VPS13C: variants seen among roughly 807,000 people sequenced by gnomAD.
VPS13C encodes vacuolar protein sorting 13 homolog C.
Under a neutral mutation model 456.8 loss-of-function variants are expected in VPS13C, and 358 were observed. The observed-to-expected ratio is 0.78, with a 90% CI of 0.72 to 0.86. The LOEUF (loss-of-function observed/expected upper bound fraction) is 0.86. Among genes scored for constraint, VPS13C ranks in the 40% least tolerant of loss-of-function variants. The probability of loss-of-function intolerance (pLI) is 0.00; values close to 1 mark genes in which losing one functional copy is unlikely to be tolerated. For synonymous variants in VPS13C, 1,578 were observed against 1,486.7 expected, an observed-to-expected ratio of 1.06 and a Z score of -1.41; for missense variants, 4,818 against 4,385.4, an observed-to-expected ratio of 1.10 and a Z score of -2.79.
At chr15:61,898,018 C>T (rs201234664) in intron 66 of VPS13C, among the ~76,000 whole-genome samples, 4 of 151,704 alleles carry the variant, frequency 2.6e-5, no homozygotes, top group Admixed American at 6.6e-5. Flanking sequence ...CATAAGTGAA[C>T]GAGAAATAAA....
intron 15 of VPS13C, among the ~76,000 whole-genome samples, chr15:62,002,401 T>C (rs945261345): frequency 3.9e-5 from 6 of 152,208 alleles, no homozygotes; most frequent in African/African-American, 1.4e-4. Context: ...TTGAGTTCAT[T>C]ATAGATTCTG....
intron 16 of VPS13C, among the ~76,000 whole-genome samples, chr15:61,997,988 T>C (rs1374975711): frequency 6.6e-6 from 1 of 152,164 alleles, no homozygotes; most frequent in Non-Finnish European, 1.5e-5. Context: ...TGTAAGATGC[T>C]ACACAATCTG....
rs2044389707 is a variant in VPS13C, at chr15:61,940,683, T to C, written c.5565A>G (p.Pro1855=). 1.9e-6 allele frequency: 3 copies of C among 1,613,512 alleles called. No homozygotes were observed. Among genetic ancestry groups the C allele is most frequent in the East Asian group, 4.5e-5 (2 of 44,838 alleles). ...NLAAAWYVQI[P]GMEIKGKLKP... is the part of the protein sequence containing the mutation. The stretch of plus-strand genomic sequence containing the variant: ...TTAGTTTTCCTTTTATCTCCATCCC[T>C]GGAATTTGCACATACCATGCTGCTG... Residue 1855 remains proline (P), a synonymous_variant, in exon 47 of 85, where the codon CCA becomes CCG. Transcript: ENST00000644861.
At chr15:62,005,280 C>T (rs986909169) in intron 15 of VPS13C, among the ~76,000 whole-genome samples, 11 of 151,800 alleles carry the variant, frequency 7.2e-5, no homozygotes, top group Non-Finnish European at 1.6e-4. Context: ...AAGTAATGGC[C>T]TTGTCTCTTT....
intron 9 of VPS13C, among the ~76,000 whole-genome samples, chr15:62,014,359 G>C (rs1386869203): frequency 1.3e-5 from 2 of 152,192 alleles, no homozygotes; most frequent in East Asian, 3.9e-4. Flanking sequence ...AAAACCAGGA[G>C]AGTATGGAAA....
chr15:61,911,908 C>A lies in VPS13C; in HGVS notation c.8647G>T (p.Glu2883Ter). The change falls in exon 63 of 85, where the codon GAA (glutamate) becomes TAA (stop). Residue 2883 changes from glutamate to a stop codon, truncating the protein, a stop_gained. Coordinates refer to ENST00000644861, the MANE Select transcript of VPS13C (RefSeq NM_020821.3). LOFTEE classifies it high-confidence loss of function. Reference sequence around the variant, plus strand: ...CCATCAGATGCAATCTCGCCAACTTCTAGTTCTAATGATGACTTGTTTGCA... The same window carrying A: ...CCATCAGATGCAATCTCGCCAACTTATAGTTCTAATGATGACTTGTTTGCA... The part of the protein sequence containing the change: ...TIANKSSLEL[E>*]VGEIASDGSM... 1 of 1,612,736 alleles carries A rather than the reference C, an allele frequency of 6.2e-7. No homozygotes were observed. Among genetic ancestry groups the A allele is most frequent in the Non-Finnish European group, 8.5e-7 (1 of 1,179,324 alleles).
In VPS13C at chr15:61,854,885, T is replaced by C; in HGVS notation, c.11146A>G (p.Thr3716Ala). 1.2e-6 allele frequency: 2 copies of C among 1,613,194 alleles called. No individual in the cohort carries two copies. The highest frequency in any genetic ancestry group is 1.1e-5 in the South Asian group (1 of 90,894). ...GCVRKVYLKD[T>A]ATAERACNAI... ...AAATTGTTTACCTCTGCTGTGGCGG[T>C]GTCCTTCAGGTAAACTTTTCGAACA... The change falls in exon 84 of 85, where the codon ACC becomes GCC. Residue 3716 changes from threonine to alanine, a missense_variant. Around this residue, in one of 3 missense-constraint regions of VPS13C, gnomAD observed 261 missense variants for 234.1 expected, o/e 1.11. Transcript: ENST00000644861.
chr15:61,885,927 A>C (rs1055711987), intron 67 of VPS13C, among the ~76,000 whole-genome samples: 6 of 152,128 alleles, frequency 3.9e-5, no homozygotes, highest in African/African-American at 1.2e-4. Flanking sequence ...AGTATTGGTA[A>C]CATCTGTTGA....
At chr15:61,866,268 A>G (rs1176072423) in intron 81 of VPS13C, 3 of 984,086 alleles carry the variant, frequency 3.0e-6, no homozygotes, top group Non-Finnish European at 3.6e-6. Flanking sequence ...ATAATGCACT[A>G]AAGTTTTAAA....
intron 38 of VPS13C, 29 bp downstream of exon 38, chr15:61,954,392 C>T: frequency 6.3e-7 from 1 of 1,597,266 alleles, no homozygotes; most frequent in Non-Finnish European, 8.5e-7. Context: ...ATTCACCTCA[C>T]TTTACAAAAA....
At chr15:61,947,929 A>C (rs971143141) in intron 42 of VPS13C, among the ~76,000 whole-genome samples, 1 of 152,238 alleles carries the variant, frequency 6.6e-6, no homozygotes, top group African/African-American at 2.4e-5. Flanking sequence ...TAAGAATCAC[A>C]ATCAAACTAG....
At chr15:61,906,001 A>G (rs2043142072) in intron 66 of VPS13C, among the ~76,000 whole-genome samples, 1 of 152,104 alleles carries the variant, frequency 6.6e-6, no homozygotes. Context: ...TAGTAAAAAA[A>G]TTTTCAGAGG....
At position 62,011,552 on chromosome 15, in the gene VPS13C, C is replaced by T. The variant is rs549453043; in HGVS notation, c.883+555G>A. Among the ~76,000 whole-genome samples, 29 of 151,720 alleles carry T rather than the reference C, an allele frequency of 1.9e-4. No individual in the cohort carries two copies. The East Asian group carries it at 2.9e-3, about 15-fold the overall frequency. On this transcript the variant is annotated intron_variant, in intron 12 of 84. Coordinates refer to ENST00000644861, the MANE Select transcript of VPS13C (RefSeq NM_020821.3). Reference sequence around the variant, plus strand: ...CTGAGAAAAATCATAAAGGGGTATACTAATAAAAAACCAATAGCTTCATTA... The same window carrying T: ...CTGAGAAAAATCATAAAGGGGTATATTAATAAAAAACCAATAGCTTCATTA...
chr15:61,956,069 T>C (rs540414107), intron 37 of VPS13C, among the ~76,000 whole-genome samples: 16 of 152,222 alleles, frequency 1.1e-4, no homozygotes, highest in African/African-American at 3.9e-4. Context: ...AGACATGGAA[T>C]CAACCTAGAT....
intron 33 of VPS13C, 103 bp downstream of exon 33, chr15:61,962,646 T>A: frequency 7.7e-7 from 1 of 1,305,088 alleles, no homozygotes; most frequent in Non-Finnish European, 1.0e-6. Context: ...AATTTTTCTA[T>A]TGAAATATAT....
At chr15:61,944,176 T>C (rs888334524) in intron 45 of VPS13C, among the ~76,000 whole-genome samples, 1 of 152,132 alleles carries the variant, frequency 6.6e-6, no homozygotes, top group African/African-American at 2.4e-5. Flanking sequence ...AGAGAACAAT[T>C]ACATAACTAT....
intron 66 of VPS13C, among the ~76,000 whole-genome samples, chr15:61,905,430 A>C (rs977282603): frequency 3.3e-5 from 5 of 152,124 alleles, no homozygotes; most frequent in South Asian, 4.1e-4. Flanking sequence ...ATTTAATCTG[A>C]ATGTTTTTAT....
In VPS13C at chr15:61,867,977, A is replaced by G; in HGVS notation, c.10863+682T>C. On this transcript the variant is annotated intron_variant, in intron 81 of 84. Transcript: ENST00000644861. The surrounding 1 kb of genome is among the most constrained non-coding windows in gnomAD (Gnocchi z 5.0). ...GCAGGCAGAAAAACAAAGAAAATAA[A>G]GTTAGAAGCATGCAGAAAGATAGAT... 7.0e-7 allele frequency: 1 copy of G among 1,433,752 alleles called. No individual in the cohort carries two copies. Among genetic ancestry groups the G allele is most frequent in the Non-Finnish European group, 9.8e-7 (1 of 1,019,488 alleles). 88.8% of individuals were successfully genotyped at this position (1,433,752 alleles called of 1,614,324 possible).
Position 61,984,952 on chromosome 15 carries a change from C to A in VPS13C, c.1626G>T (p.Thr542=), listed in dbSNP as rs745796562. 7 of 1,609,970 alleles carry A rather than the reference C, an allele frequency of 4.3e-6. No homozygotes were observed. In the South Asian group the frequency reaches 6.7e-5, roughly 15 times the overall value. Residue 542 remains threonine, a synonymous_variant, in exon 19 of 85, where the codon ACG becomes ACT. Transcript: ENST00000644861. ...MTLKLVSTSV[T]IRENKNIPEI... Reference sequence around the variant, plus strand: ...CTGGAATATTCTTGTTTTCTCTTATCGTAACAGAGGTGCTTACTAACTTCA... The same window carrying A: ...CTGGAATATTCTTGTTTTCTCTTATAGTAACAGAGGTGCTTACTAACTTCA...
Sources: allele counts gnomAD v4.1 joint callset (sites outside exome capture counted in the v4.1 genomes callset), GRCh38; gene constraint gnomAD v4.1.1; regional missense constraint gnomAD v4.1.1; non-coding constraint Gnocchi (gnomAD v3.1); transcripts MANE v1.5; gene names NCBI Gene and HGNC (gene_info 2026-07-23, HGNC 2026-07-21).